STX17: variants seen among roughly 807,000 people sequenced by gnomAD.
STX17 encodes the protein syntaxin 17, also known as syntaxin-17.
In STX17, 29 loss-of-function variants were observed where a neutral mutation model predicts 35.9. That is an observed-to-expected ratio of 0.81 (90% CI 0.60 to 1.10). STX17 has a LOEUF of 1.10. STX17 is among the 50% of genes least tolerant of loss of function. The pLI is 0.00. For synonymous variants in STX17, 92 were observed against 118.3 expected, an observed-to-expected ratio of 0.78 and a Z score of 1.44; for missense variants, 312 against 352.3, an observed-to-expected ratio of 0.89 and a Z score of 0.92.
chr9:99,950,838 G>C (rs936999403), intron 3 of STX17, among the ~76,000 whole-genome samples: 1 of 151,878 alleles, frequency 6.6e-6, no homozygotes, highest in African/African-American at 2.4e-5. Context: ...CACATTTAAT[G>C]AAGGAAAAAT....
chr9:99,944,791 C>T (rs1315495603), intron 3 of STX17, among the ~76,000 whole-genome samples: 1 of 152,160 alleles, frequency 6.6e-6, no homozygotes, highest in Admixed American at 6.5e-5. Flanking sequence ...GTTAGGATTA[C>T]AGGCATGAGC....
At chr9:99,911,163 G>A (rs1828654969) in intron 1 of STX17, among the ~76,000 whole-genome samples, 1 of 152,014 alleles carries the variant, frequency 6.6e-6, no homozygotes, top group African/African-American at 2.4e-5. Flanking sequence ...AGCCTCCGGA[G>A]CAGCTGGGAA....
At chr9:99,949,364 A>G (rs1473785186) in intron 3 of STX17, among the ~76,000 whole-genome samples, 3 of 151,208 alleles carry the variant, frequency 2.0e-5, no homozygotes, top group Non-Finnish European at 4.4e-5. Context: ...TAACTAAACT[A>G]TTTTTTTTTC....
intron 2 of STX17, among the ~76,000 whole-genome samples, chr9:99,925,815 A>C (rs1269686915): frequency 6.6e-6 from 1 of 151,946 alleles, no homozygotes; most frequent in Non-Finnish European, 1.5e-5. Context: ...TTTTACTGTA[A>C]TGTGCATTAG....
chr9:99,939,137 AT>A (rs1034586308), intron 3 of STX17, among the ~76,000 whole-genome samples: 54 of 152,296 alleles, frequency 3.5e-4, no homozygotes, highest in African/African-American at 1.2e-3. Context: ...AAGGGGGATG[AT>A]TTAAAAGGGA....
intron 4 of STX17, among the ~76,000 whole-genome samples, chr9:99,955,540 T>C (rs1829689051): frequency 6.6e-6 from 1 of 152,114 alleles, no homozygotes; most frequent in Admixed American, 6.5e-5. Context: ...TTTAGATTTA[T>C]AATAAAACTT....
chr9:99,940,077 A>G (rs916323368), intron 3 of STX17, among the ~76,000 whole-genome samples: 1 of 152,184 alleles, frequency 6.6e-6, no homozygotes, highest in Non-Finnish European at 1.5e-5. Flanking sequence ...CACAACAACC[A>G]TATTGGATTC....
chr9:99,947,762 T>C (rs1412532437), intron 3 of STX17, among the ~76,000 whole-genome samples: 1 of 152,084 alleles, frequency 6.6e-6, no homozygotes, highest in Admixed American at 6.6e-5. Flanking sequence ...CCAGAGTCCT[T>C]ATACTTAGCA....
intron 3 of STX17, among the ~76,000 whole-genome samples, chr9:99,937,151 A>G (rs1166910833): frequency 6.6e-6 from 1 of 152,100 alleles, no homozygotes; most frequent in East Asian, 1.9e-4. Flanking sequence ...CTTTGTATGT[A>G]ATGTGTCTCA....
At chr9:99,958,152 A>G (rs957515336) in intron 4 of STX17, among the ~76,000 whole-genome samples, 10 of 152,176 alleles carry the variant, frequency 6.6e-5, no homozygotes, top group African/African-American at 2.2e-4. Context: ...GCTATACTGA[A>G]CATTTTTCAG....
At chr9:99,944,469 C>T (rs1829435084) in intron 3 of STX17, among the ~76,000 whole-genome samples, 1 of 150,418 alleles carries the variant, frequency 6.6e-6, no homozygotes, top group South Asian at 2.1e-4. Flanking sequence ...CTTTGGCTGC[C>T]TGTAGGTTTA....
rs144933059 is a variant in STX17 at position 99,950,132 on chromosome 9, A to T, written c.190-928A>T. 6.4e-4 allele frequency among the ~76,000 whole-genome samples: 97 copies of T among 152,110 alleles called. 3 individuals are homozygous for T. In the East Asian group the frequency reaches 0.019, roughly 29 times the overall value. On this transcript the variant is annotated intron_variant, in intron 3 of 7. Transcript: ENST00000259400. ...ATAGCAACATATTAGAGGTAAATTT[A>T]TAACTAAGCCAGTAGGTATTTCTCA...
chr9:99,920,417 G>A (rs1828864494), intron 2 of STX17, among the ~76,000 whole-genome samples: 2 of 152,154 alleles, frequency 1.3e-5, no homozygotes, highest in African/African-American at 4.8e-5. Flanking sequence ...GCTCCTTATT[G>A]AAAGTAGTAA....
chr9:99,935,613 G>A (rs1829218684), intron 3 of STX17, among the ~76,000 whole-genome samples: 1 of 152,274 alleles, frequency 6.6e-6, no homozygotes, highest in African/African-American at 2.4e-5. Context: ...CAAGTGGAGA[G>A]AGCAGAGAGA....
intron 2 of STX17, among the ~76,000 whole-genome samples, chr9:99,919,235 C>T (rs1318728095): frequency 6.6e-6 from 1 of 152,192 alleles, no homozygotes; most frequent in Non-Finnish European, 1.5e-5. Context: ...CCACCATGCA[C>T]TTCCATCTGG....
intron 6 of STX17, chr9:99,967,128 A>G (rs1391347828): frequency 1.3e-5 from 2 of 155,478 alleles, no homozygotes; most frequent in Non-Finnish European, 2.9e-5. Context: ...TTACAAATGG[A>G]AAGATCTCAT....
Position 99,960,148 on chromosome 9 carries a change from T to C in STX17, c.575T>C (p.Leu192Pro), listed in dbSNP as rs1319350103. The C allele has an allele frequency of 6.2e-7, 1 of 1,613,826 alleles. No individual in the cohort carries two copies. Among genetic ancestry groups the C allele is most frequent in the Admixed American group, 1.7e-5 (1 of 60,018 alleles). Residue 192 changes from leucine to proline, a missense_variant, in exon 6 of 8, where the codon CTA becomes CCA. By Grantham distance (98) the Leu-to-Pro change is moderately conservative. Coordinates refer to ENST00000259400, the MANE Select transcript of STX17 (RefSeq NM_017919.3). ...CAACTGGTCACTGACTTCTCTCTCC[T>C]AGTGAATGTAAGTATATAACTGTTT... ...LSQLVTDFSLLVNSQQEKIDS... is the reference protein window; with the variant it reads ...LSQLVTDFSLPVNSQQEKIDS...
At chr9:99,907,722 T>C (rs1828579285) in intron 1 of STX17, among the ~76,000 whole-genome samples, 1 of 152,230 alleles carries the variant, frequency 6.6e-6, no homozygotes, top group African/African-American at 2.4e-5. Flanking sequence ...CAGAGTTCCC[T>C]ATTGCCTCCA....
intron 3 of STX17, chr9:99,945,581 GTAATTATCGATATA>G: frequency 6.0e-6 from 1 of 166,816 alleles, no homozygotes; most frequent in South Asian, 1.2e-4. Context: ...TTTATTTAAT[GTAATTATCGATATA>G]TTTAGGTTTA....
Sources: gnomAD v4.1 joint callset for allele counts (sites outside exome capture counted in the v4.1 genomes callset) on GRCh38, gnomAD v4.1.1 for gene constraint, MANE v1.5 for transcripts, NCBI Gene and HGNC (gene_info 2026-07-23, HGNC 2026-07-21) for gene names.